The following ARHGAP12 variants were observed in gnomAD, a reference collection of about 807,000 sequenced individuals.
The protein encoded by ARHGAP12 is rho GTPase-activating protein 12.
In ARHGAP12, 64 loss-of-function variants were observed where a neutral mutation model predicts 108.6. That is an observed-to-expected ratio of 0.59 (90% CI 0.48 to 0.73). The LOEUF (loss-of-function observed/expected upper bound fraction) is 0.73, where lower values mean the gene tolerates loss of function less well. ARHGAP12 is among the 30% of genes least tolerant of loss of function. ARHGAP12 has a pLI of 0.00. For synonymous variants in ARHGAP12, 312 were observed against 337.2 expected (o/e 0.93, Z 0.82); for missense variants, 940 against 1,005.9 (o/e 0.93, Z 0.89).
At chr10:31,883,125 A>G (rs1246451146) in intron 3 of ARHGAP12, among the ~76,000 whole-genome samples, 1 of 151,676 alleles carries the variant, frequency 6.6e-6, no homozygotes, top group Non-Finnish European at 1.5e-5. Flanking sequence ...GAGAAACCCC[A>G]TCTCTACTAA....
chr10:31,921,398 A>T (rs1382410288), intron 1 of ARHGAP12, among the ~76,000 whole-genome samples: 1 of 152,240 alleles, frequency 6.6e-6, no homozygotes, highest in Admixed American at 6.5e-5. Flanking sequence ...ACTAAATGCC[A>T]GAAAAAACAC....
At chr10:31,845,338 T>G (rs1376736029) in intron 6 of ARHGAP12, among the ~76,000 whole-genome samples, 1 of 152,228 alleles carries the variant, frequency 6.6e-6, no homozygotes, top group Non-Finnish European at 1.5e-5. Context: ...CATTATTTCT[T>G]TCCTTTTCTT....
At chr10:31,839,523 A>G in intron 8 of ARHGAP12, 114 bp downstream of exon 8, 1 of 1,187,662 alleles carries the variant, frequency 8.4e-7, no homozygotes, top group South Asian at 1.7e-5. Flanking sequence ...TTTTAGAAAA[A>G]CCAATGAAAT....
intron 9 of ARHGAP12, among the ~76,000 whole-genome samples, chr10:31,834,007 T>C (rs1320337379): frequency 6.6e-6 from 1 of 152,106 alleles, no homozygotes; most frequent in Non-Finnish European, 1.5e-5. Context: ...CTGAATGTGG[T>C]GGCAGTGACA....
rs956142453 is a variant in ARHGAP12 at position 31,908,713 on chromosome 10, T to C, written c.143A>G (p.Asp48Gly). The change falls in exon 3 of 20, where the codon GAT becomes GGT. Residue 48 changes from aspartate to glycine, a missense_variant. Asp to Gly is a moderately conservative substitution (Grantham distance 94, BLOSUM62 -1). Coordinates refer to ENST00000344936, the MANE Select transcript of ARHGAP12 (RefSeq NM_018287.7). Reference sequence around the variant, plus strand: ...ATCTGGCTTGACTTGCCACCAGTCATCATTGGTCTTTTTCACCAAGATGTA... The same window carrying C: ...ATCTGGCTTGACTTGCCACCAGTCACCATTGGTCTTTTTCACCAAGATGTA... Reference protein sequence around the residue: ...ERYILVKKTNDDWWQVKPDEN... With the variant: ...ERYILVKKTNGDWWQVKPDEN... The C allele has an allele frequency of 1.2e-6, 2 of 1,614,188 alleles. No individual in the cohort carries two copies. The highest frequency in any genetic ancestry group is 1.3e-5 in the African/African-American group (1 of 75,054).
intron 3 of ARHGAP12, among the ~76,000 whole-genome samples, chr10:31,892,133 C>G (rs991632491): frequency 2.0e-5 from 3 of 152,180 alleles, no homozygotes; most frequent in Non-Finnish European, 4.4e-5. Flanking sequence ...AAAGGAACAA[C>G]TGGTACCAGA....
chr10:31,920,449 CA>C (rs71027040), intron 1 of ARHGAP12, among the ~76,000 whole-genome samples: 1,900 of 59,544 alleles, frequency 0.032, 11 homozygotes, highest in African/African-American at 0.12. Flanking sequence ...GACTCCGTCT[CA>C]AAAAAAAAAA....
At chr10:31,856,797 T>C (rs575842627) in intron 4 of ARHGAP12, among the ~76,000 whole-genome samples, 11 of 152,104 alleles carry the variant, frequency 7.2e-5, no homozygotes, top group Non-Finnish European at 1.0e-4. Context: ...AGAAAAACAG[T>C]ATAATCAGAC....
At position 31,809,294 on chromosome 10, in the gene ARHGAP12, A is replaced by G; in HGVS notation, c.2064T>C (p.Asp688=). Residue 688 remains aspartate, a synonymous_variant, in exon 17 of 20, where the codon GAT becomes GAC. Transcript: ENST00000344936. ...GGTTGCCACTTACTCTGTATATCCCATCAATATCCAAACCTAAGAGACAAT... is the reference window on the plus strand; with the variant it reads ...GGTTGCCACTTACTCTGTATATCCCGTCAATATCCAAACCTAAGAGACAAT... The part of the protein sequence containing the change: ...EHVEEHGLDI[D]GIYRVSGNLA... 2 of 1,613,788 alleles carry G rather than the reference A, an allele frequency of 1.2e-6. No homozygotes were observed. The highest frequency in any genetic ancestry group is 1.7e-6 in the Non-Finnish European group (2 of 1,179,736).
At chr10:31,818,310 G>C (rs1220680173) in intron 12 of ARHGAP12, among the ~76,000 whole-genome samples, 1 of 152,068 alleles carries the variant, frequency 6.6e-6, no homozygotes, top group Admixed American at 6.6e-5. Flanking sequence ...AAAAAATACA[G>C]AAGAAAGAAT....
chr10:31,858,040 CA>C (rs1003821088), intron 4 of ARHGAP12, among the ~76,000 whole-genome samples: 8 of 151,996 alleles, frequency 5.3e-5, no homozygotes, highest in African/African-American at 1.9e-4. Flanking sequence ...CCCATAGCTA[CA>C]AAAAATTAAA....
Position 31,810,737 on chromosome 10 carries a change from A to C in ARHGAP12, c.1962T>G (p.Phe654Leu). Residue 654 changes from phenylalanine (F) to leucine (L), a missense_variant, in exon 16 of 20, where the codon TTT becomes TTG. Phe to Leu is a conservative substitution (Grantham distance 22). Coordinates refer to ENST00000344936, the MANE Select transcript of ARHGAP12 (RefSeq NM_018287.7). Reference protein sequence around the residue: ...REKGYIKDQVFGSNLANLCQR... With the variant: ...REKGYIKDQVLGSNLANLCQR... ...GACACAGATTAGCGAGATTGGATCCAAATACCTGATCTGAAAAAGATTTAT... is the reference window on the plus strand; with the variant it reads ...GACACAGATTAGCGAGATTGGATCCCAATACCTGATCTGAAAAAGATTTAT... The C allele has an allele frequency of 6.2e-7, 1 of 1,605,798 alleles. No individual in the cohort carries two copies. Among genetic ancestry groups the C allele is most frequent in the Non-Finnish European group, 8.5e-7 (1 of 1,176,714 alleles).
rs1424292240 is a variant in ARHGAP12, at chr10:31,865,580, C to A, written c.685-3922G>T. ...AATTGGGAACTCAGTTCCCAATTTA[C>A]AAAAATCAGGGCTGGCCAGGCGCGG... is the stretch of plus-strand genomic sequence containing the variant. On this transcript the variant is annotated intron_variant, in intron 3 of 19. Transcript: ENST00000344936. 2.6e-5 allele frequency among the ~76,000 whole-genome samples: 4 copies of A among 151,784 alleles called. No homozygotes were observed. In the East Asian group the frequency reaches 7.8e-4, roughly 29 times the overall value.
At chr10:31,924,382 A>T (rs966820834) in intron 1 of ARHGAP12, among the ~76,000 whole-genome samples, 2 of 152,194 alleles carry the variant, frequency 1.3e-5, no homozygotes, top group South Asian at 4.1e-4. Flanking sequence ...ACGGAAAGAG[A>T]AAACACGAAA....
At chr10:31,826,901 T>C (rs1435367887) in intron 10 of ARHGAP12, 8 of 152,402 alleles carry the variant, frequency 5.2e-5, no homozygotes, top group African/African-American at 1.7e-4. Context: ...AATTGTACAC[T>C]GATAGACCAC....
At chr10:31,818,704 T>C (rs1835298936) in intron 12 of ARHGAP12, among the ~76,000 whole-genome samples, 1 of 152,132 alleles carries the variant, frequency 6.6e-6, no homozygotes, top group Non-Finnish European at 1.5e-5. Flanking sequence ...AAAATAAATT[T>C]TTGAAAAAGG....
chr10:31,911,785 T>C (rs1272381451), intron 1 of ARHGAP12, among the ~76,000 whole-genome samples: 1 of 152,144 alleles, frequency 6.6e-6, no homozygotes, highest in Non-Finnish European at 1.5e-5. Context: ...CAAAAGCATG[T>C]TTCACCTTAA....
chr10:31,853,921 CGT>C (rs1836790336), intron 5 of ARHGAP12, 143 bp downstream of exon 5: 11 of 854,742 alleles, frequency 1.3e-5, no homozygotes, highest in East Asian at 2.8e-5. Context: ...ACTGAGTTTT[CGT>C]ATTGTCAATT....
At chr10:31,924,549 T>C (rs1839950126) in intron 1 of ARHGAP12, among the ~76,000 whole-genome samples, 1 of 152,228 alleles carries the variant, frequency 6.6e-6, no homozygotes, top group Non-Finnish European at 1.5e-5. Context: ...GATTCACTCA[T>C]GTTGTCTCCA....
Sources: gnomAD v4.1 joint callset for allele counts (sites outside exome capture counted in the v4.1 genomes callset) on GRCh38, gnomAD v4.1.1 for gene constraint, MANE v1.5 for transcripts, NCBI Gene and HGNC (gene_info 2026-07-23, HGNC 2026-07-21) for gene names.